FGF12: variants seen among roughly 807,000 people sequenced by gnomAD.
The protein encoded by FGF12 is fibroblast growth factor 12.
A neutral mutation model predicts 23.6 loss-of-function variants in FGF12; 14 were observed. That is an observed-to-expected ratio of 0.59 (90% CI 0.39 to 0.93). FGF12 has a LOEUF of 0.93. Ranked by LOEUF, FGF12 falls within the 40% of genes least tolerant of loss-of-function variation. The probability of loss-of-function intolerance (pLI) is 0.00; values close to 1 mark genes in which losing one functional copy is unlikely to be tolerated. For synonymous variants in FGF12, 62 were observed against 77.3 expected, an observed-to-expected ratio of 0.80 and a Z score of 1.04; for missense variants, 175 against 217.8, an observed-to-expected ratio of 0.80 and a Z score of 1.24.
intron 2 of FGF12, among the ~76,000 whole-genome samples, chr3:192,405,394 C>T (rs1432901397): frequency 6.6e-6 from 1 of 151,174 alleles, no homozygotes; most frequent in Non-Finnish European, 1.5e-5. Flanking sequence ...GAAATACAAC[C>T]GTGGCCTTTC....
intron 2 of FGF12, among the ~76,000 whole-genome samples, chr3:192,374,409 C>T (rs1719380431): frequency 6.6e-6 from 1 of 152,166 alleles, no homozygotes; most frequent in Admixed American, 6.5e-5. Context: ...GCTCTGAAAA[C>T]ATCTATATGT....
At chr3:192,709,871 G>A (rs548353804) in intron 2 of FGF12, among the ~76,000 whole-genome samples, 1 of 152,232 alleles carries the variant, frequency 6.6e-6, no homozygotes, top group Non-Finnish European at 1.5e-5. Context: ...TCTGTCTTCC[G>A]TGATAGCATG....
intron 4 of FGF12, among the ~76,000 whole-genome samples, chr3:192,270,394 C>A (rs969964153): frequency 1.3e-5 from 2 of 152,110 alleles, no homozygotes; most frequent in East Asian, 3.9e-4. Context: ...ACTATATCAA[C>A]ATTTCATAAA....
intron 4 of FGF12, among the ~76,000 whole-genome samples, chr3:192,218,082 G>A (rs778700890): frequency 1.3e-5 from 2 of 152,008 alleles, no homozygotes; most frequent in Non-Finnish European, 2.9e-5. Flanking sequence ...GGTGGCCCAC[G>A]TCGGCCTCCC....
chr3:192,546,833 T>C (rs1233654541), intron 2 of FGF12, among the ~76,000 whole-genome samples: 1 of 152,164 alleles, frequency 6.6e-6, no homozygotes, highest in Non-Finnish European at 1.5e-5. Flanking sequence ...GCAGAGCCCT[T>C]GAGCCCAATA....
chr3:192,142,456 T>C lies in FGF12; in HGVS notation c.*1553A>G, dbSNP rs1430004010. 6.8e-6 allele frequency: 1 copy of C among 146,422 alleles called. No homozygotes were observed. Among genetic ancestry groups the C allele is most frequent in the Non-Finnish European group, 1.5e-5 (1 of 65,560 alleles). 9.1% of individuals were successfully genotyped at this position (146,422 alleles called of 1,614,324 possible). A position where few individuals can be genotyped will look rare whatever the true frequency, so the allele number is the denominator to read the frequency against. Reference sequence around the variant, plus strand: ...ATGCTATGTCTTCTCATTGATAATATCCATAAATCTGCATACATTTTTTAA... The same window carrying C: ...ATGCTATGTCTTCTCATTGATAATACCCATAAATCTGCATACATTTTTTAA... On this transcript the variant is annotated 3_prime_UTR_variant, in exon 6 of 6. Transcript: ENST00000445105.
intron 2 of FGF12, among the ~76,000 whole-genome samples, chr3:192,484,104 C>T (rs9827589): frequency 0.083 from 12,618 of 151,888 alleles, 1,631 homozygotes; most frequent in African/African-American, 0.28. Flanking sequence ...GCCACAGAGG[C>T]CCAGTTAAGT....
intron 2 of FGF12, among the ~76,000 whole-genome samples, chr3:192,371,145 C>T (rs543670694): frequency 1.3e-5 from 2 of 152,146 alleles, no homozygotes; most frequent in East Asian, 1.9e-4. Flanking sequence ...TGGAGAATGC[C>T]GACCACAAGA....
intron 2 of FGF12, among the ~76,000 whole-genome samples, chr3:192,592,834 G>T (rs1012404218): frequency 2.0e-5 from 3 of 151,790 alleles, no homozygotes; most frequent in Non-Finnish European, 4.4e-5. Context: ...CTCCTCTAGT[G>T]CTATTTCCTG....
intron 2 of FGF12, among the ~76,000 whole-genome samples, chr3:192,487,841 G>T (rs977497564): frequency 6.6e-6 from 1 of 152,000 alleles, no homozygotes; most frequent in Non-Finnish European, 1.5e-5. Context: ...AGAATGTAAG[G>T]GTATTAGGTC....
intron 2 of FGF12, among the ~76,000 whole-genome samples, chr3:192,491,693 A>C (rs1159460395): frequency 1.3e-5 from 2 of 152,144 alleles, no homozygotes; most frequent in Non-Finnish European, 2.9e-5. Flanking sequence ...ACTGTATATA[A>C]ACTACAAGCA....
intron 2 of FGF12, among the ~76,000 whole-genome samples, chr3:192,686,772 G>A (rs1429397916): frequency 6.8e-6 from 1 of 146,444 alleles, no homozygotes; most frequent in African/African-American, 2.5e-5. Context: ...ACATGTAATC[G>A]AGAACTTAAA....
chr3:192,560,230 A>G (rs1184242523), intron 2 of FGF12, among the ~76,000 whole-genome samples: 1 of 152,100 alleles, frequency 6.6e-6, no homozygotes, highest in African/African-American at 2.4e-5. Flanking sequence ...CAGTTTAACT[A>G]AGTCTTAGAA....
chr3:192,479,753 T>C (rs1723427860), intron 2 of FGF12, among the ~76,000 whole-genome samples: 1 of 152,186 alleles, frequency 6.6e-6, no homozygotes, highest in Non-Finnish European at 1.5e-5. Flanking sequence ...TTCTGGAGTT[T>C]GCACAATTTA....
intron 4 of FGF12, among the ~76,000 whole-genome samples, chr3:192,246,283 A>G (rs1711557608): frequency 6.6e-6 from 1 of 152,190 alleles, no homozygotes; most frequent in Non-Finnish European, 1.5e-5. Flanking sequence ...GGTGACATCA[A>G]GAACCACTTG....
chr3:192,540,603 G>A (rs1324141059), intron 2 of FGF12, among the ~76,000 whole-genome samples: 1 of 152,102 alleles, frequency 6.6e-6, no homozygotes, highest in Non-Finnish European at 1.5e-5. Context: ...AGGAGAATAT[G>A]TATTCTGCAG....
chr3:192,649,216 C>G (rs1450719143), intron 2 of FGF12, among the ~76,000 whole-genome samples: 1 of 152,098 alleles, frequency 6.6e-6, no homozygotes, highest in Non-Finnish European at 1.5e-5. Context: ...AGTGATTTCA[C>G]CTATCCCTTA....
At chr3:192,523,395 T>C (rs1014701365) in intron 2 of FGF12, among the ~76,000 whole-genome samples, 2 of 152,226 alleles carry the variant, frequency 1.3e-5, no homozygotes, top group Non-Finnish European at 2.9e-5. Flanking sequence ...TTTTAAACTA[T>C]ATATTCATTT....
intron 2 of FGF12, among the ~76,000 whole-genome samples, chr3:192,601,066 G>A (rs1166592374): frequency 6.6e-6 from 1 of 152,072 alleles, no homozygotes. Context: ...AACAACTGAT[G>A]AATGGATAAA....
Sources: gnomAD v4.1 joint callset for allele counts (sites outside exome capture counted in the v4.1 genomes callset) on GRCh38, gnomAD v4.1.1 for gene constraint, MANE v1.5 for transcripts, NCBI Gene and HGNC (gene_info 2026-07-23, HGNC 2026-07-21) for gene names.